The following MRPL48 variants were observed in gnomAD, a reference collection of about 807,000 sequenced individuals.
MRPL48 encodes the protein large ribosomal subunit protein mL48.
MRPL48 carries 16 observed loss-of-function variants against 32.9 expected under a neutral mutation model. The observed-to-expected ratio is 0.49, with a 90% CI of 0.33 to 0.74. The LOEUF is 0.74. Ranked by LOEUF, MRPL48 falls within the 30% of genes least tolerant of loss-of-function variation. The pLI is 0.02. For missense variants in MRPL48, 206 were observed against 245.3 expected (o/e 0.84, Z 1.07); for synonymous variants, 94 against 89.2 (o/e 1.05, Z -0.31).
At chr11:73,850,365 G>GCTCACAGATCATC (rs143635170) in intron 5 of MRPL48, 23,624 of 173,104 alleles carry the variant, frequency 0.14, 1,733 homozygotes, top group African/African-American at 0.16. Context: ...ACTGTTGTTG[G>GCTCACAGATCATC]CTCACAGATC....
chr11:73,812,735 TA>T (rs1947590464), intron 3 of MRPL48, among the ~76,000 whole-genome samples: 1 of 118,962 alleles, frequency 8.4e-6, no homozygotes, highest in African/African-American at 3.0e-5. Context: ...TATATATATA[TA>T]TATATTTATT....
At chr11:73,790,103 T>C (rs1947122199) in intron 1 of MRPL48, among the ~76,000 whole-genome samples, 1 of 128,050 alleles carries the variant, frequency 7.8e-6, no homozygotes, top group Admixed American at 8.9e-5. Flanking sequence ...AGAGTCTCCC[T>C]CTGTCGCCCA....
intron 5 of MRPL48, among the ~76,000 whole-genome samples, chr11:73,849,916 G>A (rs1467769483): frequency 6.6e-6 from 1 of 152,078 alleles, no homozygotes; most frequent in Non-Finnish European, 1.5e-5. Flanking sequence ...TGGGCAACGT[G>A]GTGAAATCCT....
At chr11:73,855,880 T>C (rs1371599291) in intron 5 of MRPL48, among the ~76,000 whole-genome samples, 1 of 152,214 alleles carries the variant, frequency 6.6e-6, no homozygotes, top group African/African-American at 2.4e-5. Flanking sequence ...ATGTTATATA[T>C]TTAGAAGAAG....
At chr11:73,821,086 G>A (rs1364701179) in intron 3 of MRPL48, among the ~76,000 whole-genome samples, 1 of 152,088 alleles carries the variant, frequency 6.6e-6, no homozygotes, top group Admixed American at 6.6e-5. Context: ...CCTTGAACTG[G>A]GCTCAAACAA....
intron 1 of MRPL48, among the ~76,000 whole-genome samples, chr11:73,800,131 A>G (rs374009991): frequency 3.3e-5 from 5 of 152,126 alleles, no homozygotes; most frequent in African/African-American, 1.2e-4. Flanking sequence ...AATATGGGCC[A>G]GGCCTGGTGG....
intron 1 of MRPL48, among the ~76,000 whole-genome samples, chr11:73,791,870 A>C (rs1947160587): frequency 6.6e-6 from 1 of 152,116 alleles, no homozygotes; most frequent in South Asian, 2.1e-4. Flanking sequence ...TCTAACTCTT[A>C]ATTCAGTGCT....
intron 3 of MRPL48, among the ~76,000 whole-genome samples, chr11:73,818,976 G>C (rs1947725175): frequency 6.6e-6 from 1 of 152,170 alleles, no homozygotes; most frequent in African/African-American, 2.4e-5. Flanking sequence ...CTTTAGTAAG[G>C]AGTTGCCTTT....
At chr11:73,815,810 A>G (rs1216018797) in intron 3 of MRPL48, among the ~76,000 whole-genome samples, 1 of 151,290 alleles carries the variant, frequency 6.6e-6, no homozygotes, top group Non-Finnish European at 1.5e-5. Context: ...TGCAGCCTCA[A>G]CCTCCCAAGC....
intron 1 of MRPL48, among the ~76,000 whole-genome samples, chr11:73,792,001 TC>T (rs1369920145): frequency 6.6e-6 from 1 of 152,176 alleles, no homozygotes; most frequent in Non-Finnish European, 1.5e-5. Flanking sequence ...CAAGTGATCC[TC>T]CCACTTCAGC....
chr11:73,788,117 G>A (rs1947076517), intron 1 of MRPL48, 125 bp downstream of exon 1: 15 of 1,394,236 alleles, frequency 1.1e-5, no homozygotes, highest in African/African-American at 1.5e-5. Flanking sequence ...ACACTGGGGC[G>A]CCCAAGGTCC....
At chr11:73,812,686 GC>G (rs1947587163) in intron 3 of MRPL48, among the ~76,000 whole-genome samples, 1 of 149,724 alleles carries the variant, frequency 6.7e-6, no homozygotes, top group Non-Finnish European at 1.5e-5. Context: ...CCATACTCTA[GC>G]CTGGGCGACA....
chr11:73,823,958 T>A (rs1291720782), intron 3 of MRPL48, among the ~76,000 whole-genome samples: 1 of 151,598 alleles, frequency 6.6e-6, no homozygotes, highest in African/African-American at 2.4e-5. Context: ...TGGGTTCAAG[T>A]GATTCTCCTG....
At chr11:73,790,659 C>G (rs1338971116) in intron 1 of MRPL48, among the ~76,000 whole-genome samples, 1 of 151,878 alleles carries the variant, frequency 6.6e-6, no homozygotes, top group African/African-American at 2.4e-5. Flanking sequence ...GCTGGGATTA[C>G]AGGCTTGAGC....
At chr11:73,843,998 G>A (rs1230354887) in intron 4 of MRPL48, among the ~76,000 whole-genome samples, 1 of 151,990 alleles carries the variant, frequency 6.6e-6, no homozygotes, top group Non-Finnish European at 1.5e-5. Flanking sequence ...AGAATCGCTT[G>A]AACCCGGGAG....
chr11:73,827,307 C>T (rs746870821), intron 4 of MRPL48, among the ~76,000 whole-genome samples: 4 of 151,984 alleles, frequency 2.6e-5, no homozygotes, highest in Non-Finnish European at 4.4e-5. Flanking sequence ...TCACTTGATC[C>T]CAGGAGGTGG....
At chr11:73,789,400 G>C (rs1452137877) in intron 1 of MRPL48, 1 of 152,228 alleles carries the variant, frequency 6.6e-6, no homozygotes, top group Non-Finnish European at 1.5e-5. Context: ...TCTGACATGG[G>C]TATATAAGGC....
chr11:73,820,230 CTCTT>C (rs1947752186), intron 3 of MRPL48, among the ~76,000 whole-genome samples: 1 of 152,176 alleles, frequency 6.6e-6, no homozygotes, highest in African/African-American at 2.4e-5. Context: ...TCACGCTGGT[CTCTT>C]TCTTTTTTGA....
At chr11:73,838,738 C>T (rs1056193593) in intron 4 of MRPL48, among the ~76,000 whole-genome samples, 12 of 152,326 alleles carry the variant, frequency 7.9e-5, no homozygotes, top group Admixed American at 3.3e-4. Flanking sequence ...TCCCACTCAC[C>T]GCAAGGTCTA....
Sources: allele counts gnomAD v4.1 joint callset (sites outside exome capture counted in the v4.1 genomes callset), GRCh38; gene constraint gnomAD v4.1.1; transcripts MANE v1.5; gene names NCBI Gene and HGNC (gene_info 2026-07-23, HGNC 2026-07-21).